The following QTMAN variants were observed in gnomAD, a reference collection of about 807,000 sequenced individuals.
QTMAN encodes the protein queuosine-tRNA mannosyltransferase.
chr2:144,218,566 A>G, the QTMAN span, among the ~76,000 whole-genome samples: 1 of 152,224 alleles, frequency 6.6e-6, no homozygotes, highest in South Asian at 2.1e-4. Flanking sequence ...AAATAAGATG[A>G]CTAACATATT....
the QTMAN span, among the ~76,000 whole-genome samples, chr2:144,063,437 A>C: frequency 2.0e-4 from 31 of 152,190 alleles, no homozygotes; most frequent in African/African-American, 7.2e-4. Flanking sequence ...ACATTATATA[A>C]CAAATGCCTC....
chr2:144,103,250 T>C, the QTMAN span, among the ~76,000 whole-genome samples: 1 of 152,194 alleles, frequency 6.6e-6, no homozygotes, highest in Admixed American at 6.5e-5. Flanking sequence ...ATTTTGTTAG[T>C]AGATGGAGAC....
chr2:144,175,457 C>T, the QTMAN span, among the ~76,000 whole-genome samples: 3 of 152,062 alleles, frequency 2.0e-5, no homozygotes, highest in Non-Finnish European at 4.4e-5. Context: ...AGTTCCATAA[C>T]AGATACAGAG....
the QTMAN span, among the ~76,000 whole-genome samples, chr2:144,231,260 C>G: frequency 4.1e-3 from 626 of 152,136 alleles, 1 homozygote; most frequent in Non-Finnish European, 6.7e-3. Context: ...TATTTGATAT[C>G]AAACAAGACA....
At chr2:143,979,810 T>C in the QTMAN span, among the ~76,000 whole-genome samples, 3 of 152,204 alleles carry the variant, frequency 2.0e-5, no homozygotes, top group African/African-American at 7.2e-5. Context: ...TTGTTTCCAA[T>C]TTTTTGATGT....
chr2:144,113,524 G>A, the QTMAN span, among the ~76,000 whole-genome samples: 1 of 152,176 alleles, frequency 6.6e-6, no homozygotes, highest in African/African-American at 2.4e-5. Context: ...AGAAGAAGGT[G>A]ATGATGAAAA....
chr2:143,957,185 A>C, the QTMAN span: 1 of 1,578,930 alleles, frequency 6.3e-7, no homozygotes, highest in Admixed American at 1.9e-5. Context: ...CACAAACAGA[A>C]AGAACTTACA....
chr2:144,047,553 T>TCTAC, the QTMAN span, among the ~76,000 whole-genome samples: 1 of 152,178 alleles, frequency 6.6e-6, no homozygotes, highest in East Asian at 1.9e-4. Flanking sequence ...TGAAGCTCTC[T>TCTAC]CTACCTACCT....
At chr2:144,260,902 A>T in the QTMAN span, among the ~76,000 whole-genome samples, 2 of 152,058 alleles carry the variant, frequency 1.3e-5, no homozygotes, top group Non-Finnish European at 2.9e-5. Context: ...AAGAAAAAGG[A>T]GGTCATCTTA....
At chr2:144,300,998 C>T in the QTMAN span, among the ~76,000 whole-genome samples, 4,074 of 152,044 alleles carry the variant, frequency 0.027, 175 homozygotes, top group African/African-American at 0.093. Flanking sequence ...TTTAATCTGA[C>T]CATCTGTTTA....
the QTMAN span, among the ~76,000 whole-genome samples, chr2:144,271,080 G>GT: frequency 2.6e-5 from 4 of 152,042 alleles, no homozygotes; most frequent in Admixed American, 2.0e-4. Context: ...ATTCTTATTA[G>GT]TTTTTTCCCC....
chr2:144,311,745 T>C, the QTMAN span, among the ~76,000 whole-genome samples: 6,375 of 152,272 alleles, frequency 0.042, 439 homozygotes, highest in African/African-American at 0.15. Flanking sequence ...TGGTATTCAC[T>C]GTTCTTTCCA....
the QTMAN span, among the ~76,000 whole-genome samples, chr2:144,296,970 A>C: frequency 6.6e-6 from 1 of 152,322 alleles, no homozygotes; most frequent in Non-Finnish European, 1.5e-5. Context: ...TGAATTTGGA[A>C]AAGACTTAGC....
chr2:144,034,186 G>A, the QTMAN span, among the ~76,000 whole-genome samples: 1 of 152,288 alleles, frequency 6.6e-6, no homozygotes, highest in South Asian at 2.1e-4. Flanking sequence ...TAAGATACCA[G>A]CTAATACAAA....
chr2:144,000,469 T>C, the QTMAN span, among the ~76,000 whole-genome samples: 2 of 152,012 alleles, frequency 1.3e-5, 1 homozygote, highest in Admixed American at 1.3e-4. Flanking sequence ...TGACTATAAA[T>C]AATTAGAACC....
chr2:144,303,039 T>C, the QTMAN span, among the ~76,000 whole-genome samples: 2 of 151,786 alleles, frequency 1.3e-5, no homozygotes, highest in Non-Finnish European at 2.9e-5. Context: ...AAGGCGGAGG[T>C]TGCAGTGAGC....
chr2:144,060,651 TCTC>T, the QTMAN span, among the ~76,000 whole-genome samples: 3 of 152,234 alleles, frequency 2.0e-5, no homozygotes, highest in Admixed American at 6.5e-5. Context: ...AAATTTGTAG[TCTC>T]CTCTTGTAGG....
At chr2:144,038,188 T>G in the QTMAN span, among the ~76,000 whole-genome samples, 6 of 152,346 alleles carry the variant, frequency 3.9e-5, no homozygotes, top group South Asian at 6.2e-4. Context: ...AATCATTCAT[T>G]GCTGTGAATG....
the QTMAN span, among the ~76,000 whole-genome samples, chr2:144,301,492 G>A: frequency 3.3e-5 from 5 of 152,054 alleles, no homozygotes; most frequent in Non-Finnish European, 7.4e-5. Context: ...CAGAGTGCTG[G>A]GATTACAGGC....
Sources: gnomAD v4.1 joint callset for allele counts (sites outside exome capture counted in the v4.1 genomes callset) on GRCh38, gnomAD v4.1.1 for gene constraint, MANE v1.5 for transcripts, NCBI Gene and HGNC (gene_info 2026-07-23, HGNC 2026-07-21) for gene names.